Variants in TMPRSS6 observed in about 807,000 individuals in gnomAD.
TMPRSS6 encodes transmembrane protease serine 6.
TMPRSS6 carries 67 observed loss-of-function variants against 101.5 expected under a neutral mutation model. That is an observed-to-expected ratio of 0.66 (90% CI 0.54 to 0.81). TMPRSS6 has a LOEUF of 0.81. TMPRSS6 is among the 30% of genes least tolerant of loss of function. TMPRSS6 has a pLI of 0.00. For synonymous variants in TMPRSS6, 453 were observed against 464.9 expected (o/e 0.97, Z 0.33); for missense variants, 1,034 against 1,088.7 (o/e 0.95, Z 0.71).
intron 8 of TMPRSS6, among the ~76,000 whole-genome samples, 194 bp downstream of exon 8, chr22:37,086,089 G>A (rs182033901): frequency 1.3e-5 from 2 of 151,016 alleles, no homozygotes; most frequent in Non-Finnish European, 3.0e-5. Context: ...AGGGGAAGAG[G>A]GGGGTGGAAG....
intron 9 of TMPRSS6, 56 bp from the exon 10 acceptor site, chr22:37,084,460 A>G: frequency 7.8e-7 from 1 of 1,276,804 alleles, no homozygotes; most frequent in Non-Finnish European, 1.1e-6. Flanking sequence ...AGGTTGGTGA[A>G]CCCACCTCCC....
chr22:37,067,050 A>C, intron 16 of TMPRSS6, 88 bp from the exon 17 acceptor site: 13 of 1,584,996 alleles, frequency 8.2e-6, no homozygotes, highest in Non-Finnish European at 1.1e-5. Flanking sequence ...TTTGCATCTC[A>C]GGAGCCTACT....
In TMPRSS6 at chr22:37,109,063, C is replaced by T. The variant is rs146925727; in HGVS notation, c.-2+440G>A. Reference sequence around the variant, plus strand: ...ATACACATACATGCCAACTCTGAGCCTGTGAGCCCAGGGTCCTGGGCTTAA... The same window carrying T: ...ATACACATACATGCCAACTCTGAGCTTGTGAGCCCAGGGTCCTGGGCTTAA... On this transcript the variant is annotated intron_variant, in intron 1 of 17. Coordinates refer to ENST00000676104, the MANE Select transcript of TMPRSS6 (RefSeq NM_001374504.1). Among the ~76,000 whole-genome samples, 876 of 152,284 alleles carry T rather than the reference C, an allele frequency of 5.8e-3. 10 individuals carry two copies. The highest frequency in any genetic ancestry group is 0.02 in the African/African-American group (834 of 41,558).
chr22:37,097,147 G>C (rs545932278), intron 3 of TMPRSS6, among the ~76,000 whole-genome samples: 1 of 152,336 alleles, frequency 6.6e-6, no homozygotes, highest in African/African-American at 2.4e-5. Context: ...CGCAGCGTGG[G>C]AATAGTGTTC....
intron 16 of TMPRSS6, 81 bp from the exon 17 acceptor site, chr22:37,067,043 G>A (rs922025907): frequency 1.3e-6 from 2 of 1,596,800 alleles, no homozygotes; most frequent in African/African-American, 1.3e-5. Context: ...TATTCCCTTT[G>A]CATCTCAGGA....
intron 8 of TMPRSS6, among the ~76,000 whole-genome samples, chr22:37,085,440 C>T (rs138150387): frequency 1.4e-4 from 21 of 152,306 alleles, no homozygotes; most frequent in African/African-American, 5.1e-4. Context: ...AGGTCTATGC[C>T]AGACAGTTTG....
chr22:37,103,356 T>C lies in TMPRSS6; in HGVS notation c.62A>G (p.Glu21Gly). ...CTTGAACATCCCCTCCGGCTCCGCT[T>C]CCTCGCCATCACCTCCGTCCCCCTG... Reference protein sequence around the residue: ...GGQGDGGDGEEAEPEGMFKAC... With the variant: ...GGQGDGGDGEGAEPEGMFKAC... Residue 21 changes from glutamate (E) to glycine (G), a missense_variant, in exon 2 of 18, where the codon GAA becomes GGA. Coordinates refer to ENST00000676104, the MANE Select transcript of TMPRSS6 (RefSeq NM_001374504.1). The surrounding 1 kb of genome is among the most constrained non-coding windows in gnomAD (Gnocchi z 4.4). 1 of 1,614,148 alleles carries C rather than the reference T, an allele frequency of 6.2e-7. No homozygotes were observed. Among genetic ancestry groups the C allele is most frequent in the Non-Finnish European group, 8.5e-7 (1 of 1,180,018 alleles).
Position 37,074,704 on chromosome 22 carries a change from G to A in TMPRSS6, c.1347C>T (p.Cys449=). 1.2e-6 allele frequency: 2 copies of A among 1,614,126 alleles called. No individual in the cohort carries two copies. The highest frequency in any genetic ancestry group is 1.7e-6 in the Non-Finnish European group (2 of 1,180,002). Residue 449 remains cysteine (C), a synonymous_variant, in exon 12 of 18, where the codon TGC becomes TGT. Transcript: ENST00000676104. ...HYGLYNQSDP[C]PGEFLCSVNG... is the part of the protein sequence containing the mutation. ...TCACAGAACAGAGGAACTCTCCAGGGCAGGCTGCAAAACCACAGGGGACCG... is the reference window on the plus strand; with the variant it reads ...TCACAGAACAGAGGAACTCTCCAGGACAGGCTGCAAAACCACAGGGGACCG...
chr22:37,089,635 C>T lies in TMPRSS6; in HGVS notation c.779G>A (p.Arg260Gln), dbSNP rs750911233. 59 of 1,612,620 alleles carry T rather than the reference C, an allele frequency of 3.7e-5. No individual in the cohort carries two copies. Among genetic ancestry groups the T allele is most frequent in the South Asian group, 6.6e-5 (6 of 90,752 alleles). ...CACGTCATACATGGCCAGTCGGTCC[C>T]GGCACTCTGCCAGCGTCCACTCCAG... ...LRLEWTLAEC[R>Q]DRLAMYDVAG... Residue 260 changes from arginine to glutamine, a missense_variant, in exon 7 of 18, where the codon CGG (arginine) becomes CAG (glutamine). Arg to Gln is a conservative substitution (Grantham distance 43). Transcript: ENST00000676104.
chr22:37,091,620 T>A (rs181527220), intron 6 of TMPRSS6, among the ~76,000 whole-genome samples: 41 of 152,332 alleles, frequency 2.7e-4, no homozygotes, highest in Middle Eastern at 6.8e-3. Context: ...CTGTCCCCAA[T>A]CATTGTCTGA....
chr22:37,091,476 G>A (rs1211053936), intron 6 of TMPRSS6, among the ~76,000 whole-genome samples: 1 of 150,580 alleles, frequency 6.6e-6, no homozygotes, highest in Non-Finnish European at 1.5e-5. Context: ...GAGAGAAGGA[G>A]GGAGGGGCAC....
rs1159000441 is a variant in TMPRSS6 at position 37,103,681 on chromosome 22, C to T, written c.-1-263G>A. On this transcript the variant is annotated intron_variant, in intron 1 of 17. Transcript: ENST00000676104. This position sits in a 1 kb window ranked among gnomAD's most constrained non-coding sequence, Gnocchi z 4.4. ...CCCCACCTTTGCTTCCCACTGGCTT[C>T]CCTATGGTCAGAGGACAGACGGAGG... 3 of 1,247,454 alleles carry T rather than the reference C, an allele frequency of 2.4e-6. No homozygotes were observed. Among genetic ancestry groups the T allele is most frequent in the Non-Finnish European group, 3.5e-6 (3 of 865,018 alleles). The allele number at this position is 1,247,454 out of a possible 1,614,324, so 77.3% of individuals were successfully genotyped here.
chr22:37,092,938 T>C (rs1050034858), intron 6 of TMPRSS6, among the ~76,000 whole-genome samples: 1 of 152,178 alleles, frequency 6.6e-6, no homozygotes, highest in Non-Finnish European at 1.5e-5. Flanking sequence ...ATTCCCTCTC[T>C]CCACTGCCTC....
At chr22:37,099,469 A>T (rs1041305958) in intron 2 of TMPRSS6, among the ~76,000 whole-genome samples, 1 of 152,174 alleles carries the variant, frequency 6.6e-6, no homozygotes, top group African/African-American at 2.4e-5. Flanking sequence ...TTTTGGCTGA[A>T]GTGAAGAGGG....
At chr22:37,093,395 T>C (rs1027087284) in intron 6 of TMPRSS6, among the ~76,000 whole-genome samples, 1,425 of 126,414 alleles carry the variant, frequency 0.011, 16 homozygotes, top group Non-Finnish European at 0.019. Flanking sequence ...TTTTTTTTTT[T>C]TTTTTTTTTT....
At chr22:37,083,982 C>T in intron 10 of TMPRSS6, 1 of 547,906 alleles carries the variant, frequency 1.8e-6, no homozygotes, top group East Asian at 2.8e-5. Flanking sequence ...TTGAGGGTGC[C>T]AGAGGGGGTT....
In TMPRSS6 at chr22:37,066,001, T is replaced by G; in HGVS notation, c.*79A>C. 2 of 1,546,280 alleles carry G rather than the reference T, an allele frequency of 1.3e-6. No individual in the cohort carries two copies. Among genetic ancestry groups the G allele is most frequent in the East Asian group, 2.3e-5 (1 of 43,258 alleles). On this transcript the variant is annotated 3_prime_UTR_variant, in exon 18 of 18. Coordinates refer to ENST00000676104, the MANE Select transcript of TMPRSS6 (RefSeq NM_001374504.1). Reference sequence around the variant, plus strand: ...CTCTCTCCCCCACCCCCCGCCAGAATACTTGTCCCCCTGCTTGGCAGTTGC... The same window carrying G: ...CTCTCTCCCCCACCCCCCGCCAGAAGACTTGTCCCCCTGCTTGGCAGTTGC...
Position 37,102,135 on chromosome 22 carries a change from T to C in TMPRSS6, c.202+1081A>G, listed in dbSNP as rs140623904. 2.2e-3 allele frequency among the ~76,000 whole-genome samples: 336 copies of C among 152,328 alleles called. 2 individuals carry two copies. Among genetic ancestry groups the C allele is most frequent in the African/African-American group, 7.2e-3 (300 of 41,570 alleles). On this transcript the variant is annotated intron_variant, in intron 2 of 17. Transcript: ENST00000676104. ...AGGTTGCTTTCAACAGGCCTGGAAT[T>C]CCACCAGGAGATTCAGCCAGTAAGA...
intron 12 of TMPRSS6, 44 bp from the exon 13 acceptor site, chr22:37,073,689 G>A: frequency 1.5e-6 from 2 of 1,356,894 alleles, no homozygotes; most frequent in Non-Finnish European, 2.1e-6. Flanking sequence ...GGAAGCCAGA[G>A]GAGCCAGCCG....
Sources: allele counts gnomAD v4.1 joint callset (sites outside exome capture counted in the v4.1 genomes callset), GRCh38; gene constraint gnomAD v4.1.1; non-coding constraint Gnocchi (gnomAD v3.1); transcripts MANE v1.5; gene names NCBI Gene and HGNC (gene_info 2026-07-23, HGNC 2026-07-21).